Variants in RBPMS observed in about 807,000 individuals in gnomAD.
RBPMS encodes the protein RNA-binding protein with multiple splicing.
Under a neutral mutation model 26.8 loss-of-function variants are expected in RBPMS, and 7 were observed. The observed-to-expected ratio is 0.26, with a 90% confidence interval of 0.15 to 0.49. RBPMS has a LOEUF of 0.49. Among genes scored for constraint, RBPMS ranks in the 20% least tolerant of loss-of-function variants. RBPMS has a pLI of 0.98. For missense variants in RBPMS, 186 were observed against 250.0 expected, an observed-to-expected ratio of 0.74 and a Z score of 1.73; for synonymous variants, 96 against 93.3, an observed-to-expected ratio of 1.03 and a Z score of -0.17.
Position 30,558,912 on chromosome 8 carries a change from CTACTTCT to C in RBPMS, c.555_561del (p.Thr186ArgfsTer17), listed in dbSNP as rs778086850. The C allele has an allele frequency of 6.2e-7, 1 of 1,614,174 alleles. No homozygotes were observed. The highest frequency in any genetic ancestry group is 1.7e-5 in the Admixed American group (1 of 60,032). On this transcript the variant is annotated frameshift_variant, in exon 7 of 9. Transcript: ENST00000397323. LOFTEE classifies it high-confidence loss of function. The stretch of plus-strand genomic sequence containing the variant: ...ATGCGCTGGCTCCCTCCCTCCGAGG[CTACTTCT>C]CAGGGCTGGAAGTCCCGTCAGTTCT...
chr8:30,566,858 A>C (rs2151096581), intron 8 of RBPMS, among the ~76,000 whole-genome samples: 1 of 152,248 alleles, frequency 6.6e-6, no homozygotes, highest in Middle Eastern at 3.4e-3. Flanking sequence ...AGCATGACTG[A>C]ATCAGAATTC....
At chr8:30,444,867 C>A (rs1280093481) in intron 1 of RBPMS, 1 of 152,248 alleles carries the variant, frequency 6.6e-6, no homozygotes, top group East Asian at 1.9e-4. Context: ...CTTGCCTCTA[C>A]TCTTAAGCAC....
At chr8:30,474,368 G>A (rs893072675) in intron 1 of RBPMS, among the ~76,000 whole-genome samples, 4 of 152,116 alleles carry the variant, frequency 2.6e-5, no homozygotes, top group African/African-American at 9.7e-5. Flanking sequence ...CAGATTTACT[G>A]TGCTCATGTC....
chr8:30,466,749 C>T (rs543632663), intron 1 of RBPMS, among the ~76,000 whole-genome samples: 14 of 152,082 alleles, frequency 9.2e-5, no homozygotes, highest in Admixed American at 3.3e-4. Flanking sequence ...TGCCGACCAC[C>T]ACGCTGGCTA....
chr8:30,557,339 G>A (rs568372066), intron 6 of RBPMS, among the ~76,000 whole-genome samples: 1 of 152,298 alleles, frequency 6.6e-6, no homozygotes, highest in East Asian at 1.9e-4. Context: ...GGGGTGCTGT[G>A]TCGGATTTCT....
intron 1 of RBPMS, among the ~76,000 whole-genome samples, chr8:30,429,437 G>A (rs186433036): frequency 1.3e-5 from 2 of 152,322 alleles, no homozygotes; most frequent in East Asian, 3.9e-4. Flanking sequence ...CCTCCTGGAA[G>A]GGTATTTAGT....
chr8:30,519,727 T>G (rs1385020927), intron 5 of RBPMS, among the ~76,000 whole-genome samples: 4 of 152,066 alleles, frequency 2.6e-5, no homozygotes, highest in Non-Finnish European at 5.9e-5. Context: ...TCTCCTGACC[T>G]CGTGATCTGC....
chr8:30,448,238 A>G (rs1814108927), intron 1 of RBPMS, among the ~76,000 whole-genome samples: 2 of 152,224 alleles, frequency 1.3e-5, no homozygotes. Context: ...TAAGCATTGC[A>G]AGAGTTAACT....
intron 5 of RBPMS, among the ~76,000 whole-genome samples, chr8:30,534,675 G>A (rs1824618803): frequency 6.6e-6 from 1 of 152,206 alleles, no homozygotes; most frequent in Admixed American, 6.5e-5. Flanking sequence ...TTGCTTATGT[G>A]TGTGTCTAGA....
intron 5 of RBPMS, among the ~76,000 whole-genome samples, chr8:30,510,051 T>G (rs1168820161): frequency 1.3e-5 from 2 of 152,236 alleles, no homozygotes; most frequent in East Asian, 3.8e-4. Context: ...GACAAAGTTT[T>G]GCTGCAAGTG....
At chr8:30,529,528 C>CA (rs140510058) in intron 5 of RBPMS, among the ~76,000 whole-genome samples, 1 of 150,768 alleles carries the variant, frequency 6.6e-6, no homozygotes, top group African/African-American at 2.4e-5. Flanking sequence ...CAAAACAAAA[C>CA]AAAAAAACAA....
chr8:30,463,032 C>A (rs1165455178), intron 1 of RBPMS, among the ~76,000 whole-genome samples: 1 of 152,160 alleles, frequency 6.6e-6, no homozygotes, highest in African/African-American at 2.4e-5. Context: ...CTCTCTTGCC[C>A]ACCTCAAGCC....
chr8:30,471,191 C>T (rs553308618), intron 1 of RBPMS, among the ~76,000 whole-genome samples: 2 of 152,078 alleles, frequency 1.3e-5, no homozygotes, highest in South Asian at 4.1e-4. Flanking sequence ...AAATTTTTTT[C>T]CTCTAAATAC....
intron 4 of RBPMS, among the ~76,000 whole-genome samples, chr8:30,487,565 A>G (rs1251414594): frequency 6.6e-6 from 1 of 152,132 alleles, no homozygotes; most frequent in Admixed American, 6.5e-5. Flanking sequence ...TAGACATTTA[A>G]TAATTACATG....
intron 1 of RBPMS, among the ~76,000 whole-genome samples, chr8:30,451,863 C>T (rs1461464500): frequency 1.3e-5 from 2 of 152,152 alleles, no homozygotes; most frequent in Non-Finnish European, 2.9e-5. Flanking sequence ...AGTGTTATTC[C>T]AGGCATTGTC....
intron 8 of RBPMS, among the ~76,000 whole-genome samples, chr8:30,567,005 G>A (rs1248967802): frequency 6.6e-6 from 1 of 152,150 alleles, no homozygotes; most frequent in Non-Finnish European, 1.5e-5. Flanking sequence ...AGGAAATGTA[G>A]TCTAAAAAAA....
intron 1 of RBPMS, among the ~76,000 whole-genome samples, chr8:30,461,102 A>G (rs1012461028): frequency 1.3e-5 from 2 of 152,072 alleles, no homozygotes; most frequent in African/African-American, 4.8e-5. Context: ...TGGGACTTTA[A>G]AGTAAAAATG....
chr8:30,429,355 A>C (rs1241565098), intron 1 of RBPMS, among the ~76,000 whole-genome samples: 1 of 151,668 alleles, frequency 6.6e-6, no homozygotes, highest in Non-Finnish European at 1.5e-5. Flanking sequence ...GCTTTCCTGG[A>C]CTCCCCAGGC....
In RBPMS at chr8:30,555,958, C is replaced by T. The variant is rs941816558; in HGVS notation, c.529-2929C>T. 6.0e-5 allele frequency: 59 copies of T among 984,092 alleles called. No homozygotes were observed. The African/African-American group carries it at 6.1e-4, about 10-fold the overall frequency. The allele number at this position is 984,092 out of a possible 1,614,324, so 61.0% of individuals were successfully genotyped here. A position where few individuals can be genotyped will look rare whatever the true frequency, so the allele number is the denominator to read the frequency against. ...CTCTGCTGTGCACCATGAGCCCTGC[C>T]GCTCTGCCGGCTGTGGTGCGGGAAC... On this transcript the variant is annotated intron_variant, in intron 6 of 8. Transcript: ENST00000397323.
Sources: gnomAD v4.1 joint callset for allele counts (sites outside exome capture counted in the v4.1 genomes callset) on GRCh38, gnomAD v4.1.1 for gene constraint, MANE v1.5 for transcripts, NCBI Gene and HGNC (gene_info 2026-07-23, HGNC 2026-07-21) for gene names.